Variants in PCDHA12 observed in about 807,000 individuals in gnomAD.
PCDHA12 encodes protocadherin alpha 12.
PCDHA12 carries 44 observed loss-of-function variants against 60.0 expected under a neutral mutation model. The observed-to-expected ratio is 0.73, with a 90% CI of 0.58 to 0.94. PCDHA12 has a LOEUF of 0.94. Ranked by LOEUF, PCDHA12 falls within the 40% of genes least tolerant of loss-of-function variation. The pLI is 0.00. For synonymous variants in PCDHA12, 569 were observed against 553.0 expected, an observed-to-expected ratio of 1.03 and a Z score of -0.40; for missense variants, 1,276 against 1,239.7, an observed-to-expected ratio of 1.03 and a Z score of -0.44.
chr5:140,988,622 ATGTCCTGGTTTTC>A (rs2097306090), intron 3 of PCDHA12, among the ~76,000 whole-genome samples: 1 of 152,124 alleles, frequency 6.6e-6, no homozygotes, highest in Non-Finnish European at 1.5e-5. Context: ...TAGAATGGAG[ATGTCCTGGTTTTC>A]TGAAATTAAA....
chr5:140,967,401 G>A lies in PCDHA12; in HGVS notation c.2368-11548G>A. On this transcript the variant is annotated intron_variant, in intron 1 of 3. Transcript: ENST00000398631. ...AGTAAAGTGCTTGAGCTGGTGCTGC[G>A]TAAGGGCCTAGACCGGGAGCAGGCA... 3.1e-6 allele frequency: 5 copies of A among 1,611,944 alleles called. No individual in the cohort carries two copies. Among genetic ancestry groups the A allele is most frequent in the East Asian group, 2.2e-5 (1 of 44,806 alleles).
At chr5:140,967,144 C>T (rs1042081336) in intron 1 of PCDHA12, 9 of 1,611,144 alleles carry the variant, frequency 5.6e-6, no homozygotes, top group Non-Finnish European at 7.6e-6. Context: ...TGCTGGCGCA[C>T]AACCCCGTGG....
intron 2 of PCDHA12, 158 bp downstream of exon 2, chr5:140,979,165 A>G (rs1586797430): frequency 1.0e-6 from 1 of 970,900 alleles, no homozygotes; most frequent in South Asian, 4.8e-5. Flanking sequence ...TTATTCCTTG[A>G]AAGATCGCAA....
At chr5:140,979,257 C>T (rs1454477008) in intron 2 of PCDHA12, among the ~76,000 whole-genome samples, 1 of 152,194 alleles carries the variant, frequency 6.6e-6, no homozygotes, top group Non-Finnish European at 1.5e-5. Flanking sequence ...TATGTATTTT[C>T]TCCCATCAAA....
At chr5:140,915,840 G>A (rs1554197129) in intron 1 of PCDHA12, among the ~76,000 whole-genome samples, 1 of 152,142 alleles carries the variant, frequency 6.6e-6, no homozygotes, top group Admixed American at 6.5e-5. Context: ...AGATCAGCAG[G>A]GGGTGACACC....
At chr5:140,975,671 T>C (rs923429904) in intron 1 of PCDHA12, among the ~76,000 whole-genome samples, 2 of 152,248 alleles carry the variant, frequency 1.3e-5, no homozygotes, top group Admixed American at 6.5e-5. Context: ...TGTGAGTTTA[T>C]TAATAAAATA....
At chr5:140,985,884 C>T (rs1263620553) in intron 3 of PCDHA12, among the ~76,000 whole-genome samples, 4 of 151,722 alleles carry the variant, frequency 2.6e-5, no homozygotes, top group East Asian at 3.9e-4. Context: ...GGACTACAGG[C>T]GCCCGCCACC....
chr5:140,922,268 A>T (rs2153564244), intron 1 of PCDHA12, among the ~76,000 whole-genome samples: 1 of 152,382 alleles, frequency 6.6e-6, no homozygotes, highest in Non-Finnish European at 1.5e-5. Context: ...TGCCATGAAG[A>T]TTGGACCAAG....
intron 1 of PCDHA12, among the ~76,000 whole-genome samples, chr5:140,941,193 T>TC (rs1554213826): frequency 4.3e-5 from 5 of 116,722 alleles, no homozygotes; most frequent in African/African-American, 1.7e-4. Flanking sequence ...TTCTTTTTTT[T>TC]TCTTTCTTCC....
intron 3 of PCDHA12, among the ~76,000 whole-genome samples, chr5:140,992,294 G>C (rs2097504138): frequency 1.3e-5 from 2 of 152,190 alleles, no homozygotes; most frequent in African/African-American, 4.8e-5. Context: ...CAAAGGATGG[G>C]AGTATTGTTT....
chr5:140,994,317 T>A (rs1053879490), intron 3 of PCDHA12, among the ~76,000 whole-genome samples: 7 of 152,086 alleles, frequency 4.6e-5, no homozygotes, highest in African/African-American at 1.7e-4. Flanking sequence ...GCCCAAACAC[T>A]CTCAGCAACC....
chr5:140,966,998 C>G, intron 1 of PCDHA12: 1 of 1,604,774 alleles, frequency 6.2e-7, no homozygotes. Context: ...GGGTTGCTTG[C>G]GCATCAACCA....
chr5:140,876,018 A>G lies in PCDHA12; in HGVS notation c.546A>G (p.Ile182Met). ...TAAATGAGAATTTTGAGCTTAAAATAAAAACAAAAAAAGATAAAAGTATAT... is the reference window on the plus strand; with the variant it reads ...TAAATGAGAATTTTGAGCTTAAAATGAAAACAAAAAAAGATAAAAGTATAT... Reference protein sequence around the residue: ...LSLNENFELKIKTKKDKSILP... With the variant: ...LSLNENFELKMKTKKDKSILP... Residue 182 changes from isoleucine (I) to methionine (M), a missense_variant, in exon 1 of 4, where the codon ATA becomes ATG. Physicochemically the swap from Ile to Met is conservative, Grantham distance 10. Coordinates refer to ENST00000398631, the MANE Select transcript of PCDHA12 (RefSeq NM_018903.4). 6.2e-7 allele frequency: 1 copy of G among 1,613,764 alleles called. No individual in the cohort carries two copies. Among genetic ancestry groups the G allele is most frequent in the East Asian group, 2.2e-5 (1 of 44,888 alleles).
chr5:140,952,857 G>T (rs2094808262), intron 1 of PCDHA12, among the ~76,000 whole-genome samples: 1 of 152,120 alleles, frequency 6.6e-6, no homozygotes, highest in Non-Finnish European at 1.5e-5. Context: ...TTCTGGGGAG[G>T]CCTCAGGAAA....
intron 2 of PCDHA12, among the ~76,000 whole-genome samples, chr5:140,981,156 T>C (rs747008016): frequency 2.9e-4 from 44 of 152,360 alleles, no homozygotes; most frequent in Admixed American, 6.5e-4. Context: ...ATTGAACTTA[T>C]ATGTTGCCTT....
chr5:140,875,355 T>C lies in PCDHA12; in HGVS notation c.-118T>C, dbSNP rs909094206. ...AGGATCGACTCCATAATGACTGTGA[T>C]GCTGGAAAAAATTTACTAAATATGT... On this transcript the variant is annotated 5_prime_UTR_variant, in exon 1 of 4. The change abolishes an upstream ATG in the 5' untranslated region. Transcript: ENST00000398631. 8 of 1,446,356 alleles carry C rather than the reference T, an allele frequency of 5.5e-6. No individual in the cohort carries two copies. The highest frequency in any genetic ancestry group is 7.3e-6 in the Non-Finnish European group (8 of 1,101,868). 89.6% of individuals were successfully genotyped at this position (1,446,356 alleles called of 1,614,324 possible).
intron 1 of PCDHA12, among the ~76,000 whole-genome samples, chr5:140,913,872 G>A (rs2076493472): frequency 6.6e-6 from 1 of 151,980 alleles, no homozygotes; most frequent in Non-Finnish European, 1.5e-5. Flanking sequence ...TAATTTCCAT[G>A]TGTTCATGTA....
chr5:140,922,790 C>G (rs1174493923), intron 1 of PCDHA12, among the ~76,000 whole-genome samples: 3 of 152,074 alleles, frequency 2.0e-5, no homozygotes, highest in African/African-American at 7.2e-5. Flanking sequence ...AAAACTGTAG[C>G]TTTGGAATAC....
chr5:140,910,058 T>A (rs571957156), intron 1 of PCDHA12, among the ~76,000 whole-genome samples: 5 of 152,344 alleles, frequency 3.3e-5, no homozygotes, highest in African/African-American at 9.6e-5. Flanking sequence ...TAAGTGATCT[T>A]TTAACAGCGT....
Sources: allele counts gnomAD v4.1 joint callset (sites outside exome capture counted in the v4.1 genomes callset), GRCh38; gene constraint gnomAD v4.1.1; transcripts MANE v1.5; gene names NCBI Gene and HGNC (gene_info 2026-07-23, HGNC 2026-07-21).